The following PCLO variants were observed in gnomAD, a reference collection of about 807,000 sequenced individuals.
PCLO encodes protein piccolo.
In PCLO, 82 loss-of-function variants were observed where a neutral mutation model predicts 427.5. That is an observed-to-expected ratio of 0.19 (90% confidence interval 0.16 to 0.23). PCLO has a LOEUF of 0.23. PCLO is among the 10% of genes least tolerant of loss of function. The pLI is 1.00. For synonymous variants in PCLO, 2,357 were observed against 2,155.4 expected, an observed-to-expected ratio of 1.09 and a Z score of -2.59; for missense variants, 6,239 against 6,115.9, an observed-to-expected ratio of 1.02 and a Z score of -0.67.
chr7:82,909,907 G>A (rs922925815), intron 7 of PCLO, among the ~76,000 whole-genome samples: 3 of 151,944 alleles, frequency 2.0e-5, no homozygotes, highest in Non-Finnish European at 4.4e-5. Flanking sequence ...TTTTGAAAAT[G>A]CAACTATATT....
In PCLO at chr7:82,950,532, A is replaced by G. The variant is rs773882036; in HGVS notation, c.10056T>C (p.Thr3352=). Residue 3352 remains threonine, a synonymous_variant, in exon 6 of 25, where the codon ACT becomes ACC. Coordinates refer to ENST00000333891, the MANE Select transcript of PCLO (RefSeq NM_033026.6). ...AALEGSQFWA[T]EDATTTASAV... is the part of the protein sequence containing the mutation. ...CTGAAGCTGTGGTGGTTGCATCTTC[A>G]GTTGCCCAAAATTGACTGCCTTCCA... The G allele has an allele frequency of 6.2e-7, 1 of 1,613,828 alleles. No homozygotes were observed. The highest frequency in any genetic ancestry group is 1.1e-5 in the South Asian group (1 of 91,074).
chr7:83,052,147 C>T (rs10238427), intron 3 of PCLO, among the ~76,000 whole-genome samples: 3,705 of 151,740 alleles, frequency 0.024, 153 homozygotes, highest in African/African-American at 0.085. Flanking sequence ...AAATATAACA[C>T]CCAAAGTAAG....
chr7:82,942,852 T>C (rs905438223), intron 6 of PCLO, among the ~76,000 whole-genome samples: 2 of 152,200 alleles, frequency 1.3e-5, no homozygotes, highest in Middle Eastern at 3.5e-3. Flanking sequence ...ACAAAGCTAA[T>C]CTTTAATATA....
At chr7:83,061,332 T>C (rs1789537809) in intron 3 of PCLO, among the ~76,000 whole-genome samples, 1 of 152,188 alleles carries the variant, frequency 6.6e-6, no homozygotes, top group Non-Finnish European at 1.5e-5. Context: ...AAGGCCAGCT[T>C]ATGAACAGTT....
chr7:82,887,038 A>C (rs187308887), intron 9 of PCLO, among the ~76,000 whole-genome samples: 1 of 152,200 alleles, frequency 6.6e-6, no homozygotes, highest in Admixed American at 6.6e-5. Flanking sequence ...GTCTTCAGGG[A>C]TGGAAGAAAA....
At chr7:82,996,527 T>C (rs1469544653) in intron 3 of PCLO, among the ~76,000 whole-genome samples, 1 of 151,968 alleles carries the variant, frequency 6.6e-6, no homozygotes, top group Non-Finnish European at 1.5e-5. Context: ...CAAACAATCT[T>C]GATAAAATGT....
chr7:82,949,594 G>T lies in PCLO; in HGVS notation c.10994C>A (p.Pro3665His). Reference sequence around the variant, plus strand: ...CTTGGCTGTCTTAGGACTTGCTGGGGGAACTTTAGCCATATCTGGATGCAG... The same window carrying T: ...CTTGGCTGTCTTAGGACTTGCTGGGTGAACTTTAGCCATATCTGGATGCAG... ...KVLHPDMAKV[P>H]PASPKTAKMM... The change falls in exon 6 of 25, where the codon CCC becomes CAC. Residue 3665 changes from proline to histidine, a missense_variant. Pro to His is a moderately conservative substitution (Grantham distance 77). Around this residue, in one of 5 missense-constraint regions of PCLO, gnomAD observed 4,677 missense variants for 4,468.4 expected, o/e 1.05. Transcript: ENST00000333891. The T allele has an allele frequency of 1.2e-6, 2 of 1,613,804 alleles. No individual in the cohort carries two copies. The highest frequency in any genetic ancestry group is 1.7e-6 in the Non-Finnish European group (2 of 1,179,824).
chr7:82,993,738 T>C (rs951109681), intron 3 of PCLO, among the ~76,000 whole-genome samples: 2 of 152,084 alleles, frequency 1.3e-5, no homozygotes, highest in Non-Finnish European at 2.9e-5. Flanking sequence ...ATTCGCTTTA[T>C]TGTGTTGGTG....
At chr7:83,131,504 G>A (rs1300908408) in intron 3 of PCLO, among the ~76,000 whole-genome samples, 2 of 152,128 alleles carry the variant, frequency 1.3e-5, no homozygotes, top group Non-Finnish European at 2.9e-5. Flanking sequence ...AGGGAGAGGG[G>A]GCCAGGGTGG....
rs1344546153 is a variant in PCLO at position 83,029,719 on chromosome 7, C to A, written c.3301-63232G>T. On this transcript the variant is annotated intron_variant, in intron 3 of 24. Coordinates refer to ENST00000333891, the MANE Select transcript of PCLO (RefSeq NM_033026.6). ...AAGACTTGGAACCAACCCAAATGTC[C>A]AACAATGATAGACTGGATTAAGAAA... Among the ~76,000 whole-genome samples the A allele has an allele frequency of 4.2e-4, 49 of 117,972 alleles. 1 individual carries two copies. The highest frequency in any genetic ancestry group is 9.9e-4 in the South Asian group (3 of 3,034). 77.4% of individuals were successfully genotyped at this position (117,972 alleles called of 152,430 possible).
intron 3 of PCLO, among the ~76,000 whole-genome samples, chr7:83,077,784 TAA>T (rs1287105155): frequency 6.6e-6 from 1 of 152,032 alleles, no homozygotes; most frequent in Non-Finnish European, 1.5e-5. Flanking sequence ...TTGTTTTCTA[TAA>T]AAGTCAGCAA....
intron 3 of PCLO, among the ~76,000 whole-genome samples, chr7:83,040,819 T>C (rs1788955844): frequency 6.6e-6 from 1 of 152,178 alleles, no homozygotes; most frequent in African/African-American, 2.4e-5. Flanking sequence ...CTCTGAGTGA[T>C]GGACAAGTTC....
At chr7:82,942,943 A>G (rs1795119203) in intron 6 of PCLO, among the ~76,000 whole-genome samples, 1 of 152,098 alleles carries the variant, frequency 6.6e-6, no homozygotes, top group African/African-American at 2.4e-5. Flanking sequence ...GCTTTCTTAT[A>G]TTGCTTTTCA....
chr7:82,809,669 G>C (rs1428832020), intron 20 of PCLO, among the ~76,000 whole-genome samples: 8 of 151,330 alleles, frequency 5.3e-5, no homozygotes, highest in Non-Finnish European at 7.4e-5. Context: ...TGATTTAGTA[G>C]ATAATTTCAC....
intron 3 of PCLO, among the ~76,000 whole-genome samples, chr7:82,969,738 C>T (rs1392179253): frequency 6.6e-6 from 1 of 151,840 alleles, no homozygotes; most frequent in Non-Finnish European, 1.5e-5. Flanking sequence ...GTTATTTCAT[C>T]AAGGGACCAA....
chr7:83,065,716 A>G (rs540069213), intron 3 of PCLO, among the ~76,000 whole-genome samples: 1 of 152,220 alleles, frequency 6.6e-6, no homozygotes, highest in South Asian at 2.1e-4. Context: ...TTTCCATTAT[A>G]CAAAAGAAGA....
rs183710711 is a variant in PCLO at position 83,012,197 on chromosome 7, T to C, written c.3301-45710A>G. Among the ~76,000 whole-genome samples, 56 of 152,174 alleles carry C rather than the reference T, an allele frequency of 3.7e-4. No homozygotes were observed. In the East Asian group the frequency reaches 5.4e-3, roughly 15 times the overall value. On this transcript the variant is annotated intron_variant, in intron 3 of 24. Transcript: ENST00000333891. ...TTTATGAGTATTTTCAGAGATATAA[T>C]AGGAAGTGGTGTGAACTATTGTAAA...
At chr7:83,002,672 T>C (rs1451893610) in intron 3 of PCLO, among the ~76,000 whole-genome samples, 2 of 151,932 alleles carry the variant, frequency 1.3e-5, no homozygotes, top group African/African-American at 4.8e-5. Flanking sequence ...AAACAAATTA[T>C]AGTTCGACAA....
chr7:82,870,542 A>G (rs867112764), intron 10 of PCLO, among the ~76,000 whole-genome samples: 14 of 152,120 alleles, frequency 9.2e-5, no homozygotes, highest in Non-Finnish European at 1.8e-4. Context: ...AAATGTTTTG[A>G]GTAAGACCTC....
Sources: allele counts gnomAD v4.1 joint callset (sites outside exome capture counted in the v4.1 genomes callset), GRCh38; gene constraint gnomAD v4.1.1; regional missense constraint gnomAD v4.1.1; transcripts MANE v1.5; gene names NCBI Gene and HGNC (gene_info 2026-07-23, HGNC 2026-07-21).